CAMK4: variants seen among roughly 807,000 people sequenced by gnomAD.
CAMK4 encodes calcium/calmodulin dependent protein kinase IV.
CAMK4 carries 22 observed loss-of-function variants against 44.9 expected under a neutral mutation model. The observed-to-expected ratio is 0.49, with a 90% confidence interval of 0.35 to 0.70. The LOEUF (loss-of-function observed/expected upper bound fraction) is 0.70, where lower values mean the gene tolerates loss of function less well. Among genes scored for constraint, CAMK4 ranks in the 30% least tolerant of loss-of-function variants. The probability of loss-of-function intolerance (pLI) is 0.01; values close to 1 mark genes in which losing one functional copy is unlikely to be tolerated. For missense variants in CAMK4, 498 were observed against 586.8 expected (o/e 0.85, Z 1.56); for synonymous variants, 218 against 215.4 (o/e 1.01, Z -0.11).
At chr5:111,435,034 G>T (rs1234921041) in intron 5 of CAMK4, among the ~76,000 whole-genome samples, 1 of 152,126 alleles carries the variant, frequency 6.6e-6, no homozygotes, top group African/African-American at 2.4e-5. Flanking sequence ...CAATGAAACA[G>T]TTTTTGTTAG....
intron 1 of CAMK4, among the ~76,000 whole-genome samples, chr5:111,229,218 A>G (rs573599518): frequency 2.0e-5 from 3 of 152,330 alleles, no homozygotes; most frequent in South Asian, 4.1e-4. Flanking sequence ...GAGGCTAGGA[A>G]GTCCAAGATC....
chr5:111,395,235 AAAAAG>A (rs1323976028), intron 5 of CAMK4, among the ~76,000 whole-genome samples: 38 of 148,008 alleles, frequency 2.6e-4, no homozygotes, highest in African/African-American at 9.3e-4. Context: ...AAAGAAAAAA[AAAAAG>A]AAAAAGAAAA....
chr5:111,408,748 C>T (rs772922630), intron 5 of CAMK4, among the ~76,000 whole-genome samples: 1 of 152,196 alleles, frequency 6.6e-6, no homozygotes, highest in Non-Finnish European at 1.5e-5. Flanking sequence ...TTAGTTACTT[C>T]CTAGATACAG....
chr5:111,389,123 G>A (rs574306493), intron 4 of CAMK4, among the ~76,000 whole-genome samples: 1 of 152,190 alleles, frequency 6.6e-6, no homozygotes, highest in East Asian at 1.9e-4. Context: ...TGTGTCAGCA[G>A]ATTCAATGCC....
At chr5:111,318,939 A>C (rs1057082575) in intron 1 of CAMK4, among the ~76,000 whole-genome samples, 1 of 152,150 alleles carries the variant, frequency 6.6e-6, no homozygotes, top group Non-Finnish European at 1.5e-5. Context: ...CTTTTATAAC[A>C]ATATTCTTCT....
chr5:111,445,568 A>G (rs1180231330), intron 5 of CAMK4, among the ~76,000 whole-genome samples: 2 of 152,140 alleles, frequency 1.3e-5, no homozygotes, highest in African/African-American at 4.8e-5. Context: ...AGCTAGAACT[A>G]CAAGGCATGC....
intron 7 of CAMK4, among the ~76,000 whole-genome samples, chr5:111,472,881 C>T (rs1319645004): frequency 1.3e-5 from 2 of 152,312 alleles, no homozygotes; most frequent in Non-Finnish European, 2.9e-5. Context: ...CAGACCCACA[C>T]ACTCGCTGAC....
chr5:111,469,139 C>A, intron 7 of CAMK4, among the ~76,000 whole-genome samples: 1 of 59,632 alleles, frequency 1.7e-5, no homozygotes, highest in Admixed American at 2.8e-4. Flanking sequence ...AGTGAAACTC[C>A]ATCTCAAAAA....
At chr5:111,400,414 C>T (rs922978162) in intron 5 of CAMK4, among the ~76,000 whole-genome samples, 2 of 152,160 alleles carry the variant, frequency 1.3e-5, no homozygotes, top group Non-Finnish European at 2.9e-5. Context: ...ATCAGTGGTA[C>T]ATCTCACATT....
rs571233164 is a variant in CAMK4, at chr5:111,351,501, G to T, written c.240+7399G>T. 4.3e-3 allele frequency among the ~76,000 whole-genome samples: 658 copies of T among 151,670 alleles called. 2 individuals carry two copies. The highest frequency in any genetic ancestry group is 7.3e-3 in the Non-Finnish European group (496 of 67,886). ...GCTCACTGCAACCTCTGCCTCCCAG[G>T]TTCAAGCGATTCTCCTGCCTCAGCC... On this transcript the variant is annotated intron_variant, in intron 2 of 10. Transcript: ENST00000282356.
chr5:111,463,337 A>G (rs1158228484), intron 7 of CAMK4, among the ~76,000 whole-genome samples: 1 of 152,234 alleles, frequency 6.6e-6, no homozygotes, highest in Non-Finnish European at 1.5e-5. Flanking sequence ...AAGAAGATAT[A>G]CAAATGGGAG....
At chr5:111,347,852 T>G (rs1424623535) in intron 2 of CAMK4, among the ~76,000 whole-genome samples, 1 of 152,048 alleles carries the variant, frequency 6.6e-6, no homozygotes, top group Non-Finnish European at 1.5e-5. Flanking sequence ...TTAATTCTAC[T>G]CTGTCTGTAA....
At chr5:111,258,195 C>T (rs1749820174) in intron 1 of CAMK4, among the ~76,000 whole-genome samples, 1 of 152,144 alleles carries the variant, frequency 6.6e-6, no homozygotes, top group African/African-American at 2.4e-5. Flanking sequence ...CTTTATTGGA[C>T]ATTCCAATAG....
At chr5:111,287,662 A>G (rs1751294935) in intron 1 of CAMK4, among the ~76,000 whole-genome samples, 1 of 152,202 alleles carries the variant, frequency 6.6e-6, no homozygotes, top group African/African-American at 2.4e-5. Flanking sequence ...GGAAGGAATG[A>G]TTGGATGCTT....
chr5:111,426,971 C>T (rs758234463), intron 5 of CAMK4, among the ~76,000 whole-genome samples: 2 of 152,136 alleles, frequency 1.3e-5, no homozygotes, highest in Non-Finnish European at 2.9e-5. Context: ...CTGAATTAGG[C>T]CCAGAGACAG....
rs979527775 is a variant in CAMK4 at position 111,494,736 on chromosome 5, A to G, written c.*10270A>G. 1 of 152,144 alleles carries G rather than the reference A, an allele frequency of 6.6e-6. No homozygotes were observed. The allele number at this position is 152,144 out of a possible 1,614,324, so 9.4% of individuals were successfully genotyped here. A position where few individuals can be genotyped will look rare whatever the true frequency, so the allele number is the denominator to read the frequency against. ...TGGGTGTTGGAAGACTAATTGTAGAAATTTGACCTGAGGGCCAATGTTACT... is the reference window on the plus strand; with the variant it reads ...TGGGTGTTGGAAGACTAATTGTAGAGATTTGACCTGAGGGCCAATGTTACT... On this transcript the variant is annotated 3_prime_UTR_variant, in exon 11 of 11. Transcript: ENST00000282356.
chr5:111,417,872 G>A (rs1752870595), intron 5 of CAMK4, among the ~76,000 whole-genome samples: 1 of 152,110 alleles, frequency 6.6e-6, no homozygotes, highest in African/African-American at 2.4e-5. Flanking sequence ...TTACCCTGGT[G>A]ATATATTTTT....
intron 5 of CAMK4, among the ~76,000 whole-genome samples, chr5:111,400,052 A>G (rs78065528): frequency 0.011 from 1,699 of 152,334 alleles, 27 homozygotes; most frequent in African/African-American, 0.038. Context: ...AAGAGTTCCT[A>G]GAACTCTGAC....
At chr5:111,280,514 C>T (rs972327269) in intron 1 of CAMK4, among the ~76,000 whole-genome samples, 3 of 152,060 alleles carry the variant, frequency 2.0e-5, no homozygotes, top group Admixed American at 6.6e-5. Flanking sequence ...TGCCTTAATA[C>T]GATTAAAATA....
Sources: gnomAD v4.1 joint callset for allele counts (sites outside exome capture counted in the v4.1 genomes callset) on GRCh38, gnomAD v4.1.1 for gene constraint, MANE v1.5 for transcripts, NCBI Gene and HGNC (gene_info 2026-07-23, HGNC 2026-07-21) for gene names.